DLG1: variants seen among roughly 807,000 people sequenced by gnomAD.
The protein encoded by DLG1 is discs large MAGUK scaffold protein 1.
A neutral mutation model predicts 123.4 loss-of-function variants in DLG1; 42 were observed. That is an observed-to-expected ratio of 0.34 (90% CI 0.27 to 0.44). The LOEUF (loss-of-function observed/expected upper bound fraction) is 0.44, where lower values mean the gene tolerates loss of function less well. DLG1 is among the 20% of genes least tolerant of loss of function. The pLI is 1.00. For missense variants in DLG1, 942 were observed against 1,082.6 expected, an observed-to-expected ratio of 0.87 and a Z score of 1.82; for synonymous variants, 317 against 356.2, an observed-to-expected ratio of 0.89 and a Z score of 1.24.
chr3:197,098,405 T>C (rs1275540646), intron 14 of DLG1, among the ~76,000 whole-genome samples: 1 of 152,244 alleles, frequency 6.6e-6, no homozygotes, highest in Non-Finnish European at 1.5e-5. Flanking sequence ...ACTAAGTTAC[T>C]ACAAAGCAGT....
At chr3:197,053,774 TAA>T (rs35792548) in intron 23 of DLG1, among the ~76,000 whole-genome samples, 1,779 of 97,226 alleles carry the variant, frequency 0.018, 52 homozygotes, top group African/African-American at 0.063. Context: ...CCCTGTCTCA[TAA>T]AAAAAAAAAA....
At chr3:197,130,727 G>C (rs929473162) in intron 10 of DLG1, 56 bp from the exon 11 acceptor site, 2 of 1,383,726 alleles carry the variant, frequency 1.4e-6, no homozygotes, top group African/African-American at 2.9e-5. Flanking sequence ...CTGAGTTTTG[G>C]AAACAATTTC....
chr3:197,229,425 C>T (rs1157790940), intron 4 of DLG1, among the ~76,000 whole-genome samples: 1 of 147,346 alleles, frequency 6.8e-6, no homozygotes, highest in Non-Finnish European at 1.5e-5. Flanking sequence ...TGCACTCCAG[C>T]CTGGGTGACA....
At chr3:197,114,252 G>A (rs954808213) in intron 13 of DLG1, among the ~76,000 whole-genome samples, 1 of 152,108 alleles carries the variant, frequency 6.6e-6, no homozygotes, top group Non-Finnish European at 1.5e-5. Context: ...TAGGCATAAT[G>A]AATCCCAAAC....
chr3:197,162,686 C>T (rs1413608840), intron 5 of DLG1, among the ~76,000 whole-genome samples: 1 of 152,010 alleles, frequency 6.6e-6, no homozygotes, highest in Non-Finnish European at 1.5e-5. Context: ...TCTATAGACC[C>T]CCATCTCACA....
At chr3:197,072,483 C>T (rs1401160214) in intron 18 of DLG1, among the ~76,000 whole-genome samples, 1 of 151,984 alleles carries the variant, frequency 6.6e-6, no homozygotes, top group African/African-American at 2.4e-5. Context: ...AAACATTTTG[C>T]TTATCACTAC....
intron 5 of DLG1, among the ~76,000 whole-genome samples, chr3:197,173,164 A>G (rs2150046830): frequency 6.6e-6 from 1 of 152,260 alleles, no homozygotes; most frequent in South Asian, 2.1e-4. Context: ...GCACCCTATT[A>G]AAGTTACCAA....
chr3:197,207,278 A>C (rs1729051730), intron 4 of DLG1, among the ~76,000 whole-genome samples: 1 of 152,364 alleles, frequency 6.6e-6, no homozygotes, highest in Non-Finnish European at 1.5e-5. Context: ...ATTAGATGGT[A>C]CAAGGAAATA....
At position 197,059,875 on chromosome 3, in the gene DLG1, G is replaced by A. The variant is rs1477333186; in HGVS notation, c.2483+14C>T. 3 of 1,554,938 alleles carry A rather than the reference G, an allele frequency of 1.9e-6. No homozygotes were observed. Among genetic ancestry groups the A allele is most frequent in the African/African-American group, 1.4e-5 (1 of 73,734 alleles). On this transcript the variant is annotated intron_variant, in intron 23 of 24. Transcript: ENST00000667157. The stretch of plus-strand genomic sequence containing the variant: ...TTTGTACACAGAGGCTATGCCTTAG[G>A]CATTTACACTTACATGATATTTTCC...
intron 24 of DLG1, 87 bp from the exon 25 acceptor site, chr3:197,044,816 T>C (rs1051158808): frequency 1.3e-6 from 1 of 773,490 alleles, no homozygotes; most frequent in Non-Finnish European, 2.0e-6. Flanking sequence ...GAAGCTAGTA[T>C]CTTTGAAAAA....
chr3:197,190,529 G>A (rs1157984092), intron 5 of DLG1, among the ~76,000 whole-genome samples: 1 of 152,140 alleles, frequency 6.6e-6, no homozygotes, highest in Non-Finnish European at 1.5e-5. Context: ...GTTCCAACTC[G>A]TGTTGTTCAA....
intron 15 of DLG1, among the ~76,000 whole-genome samples, chr3:197,089,884 C>T (rs188348249): frequency 7.2e-5 from 11 of 152,116 alleles, no homozygotes; most frequent in Admixed American, 5.9e-4. Flanking sequence ...TTAAGATTCC[C>T]ACATCACTGG....
intron 7 of DLG1, among the ~76,000 whole-genome samples, chr3:197,142,251 CT>C (rs1788422572): frequency 6.6e-6 from 1 of 152,162 alleles, no homozygotes; most frequent in East Asian, 1.9e-4. Context: ...CAAGAAAAAT[CT>C]GAGAAACTAT....
At chr3:197,183,117 A>T (rs115019981) in intron 5 of DLG1, among the ~76,000 whole-genome samples, 2,425 of 152,284 alleles carry the variant, frequency 0.016, 67 homozygotes, top group African/African-American at 0.054. Context: ...TATTAAATTG[A>T]ATCTATTTTC....
At chr3:197,247,546 C>G (rs1040014559) in intron 4 of DLG1, among the ~76,000 whole-genome samples, 1 of 152,070 alleles carries the variant, frequency 6.6e-6, no homozygotes, top group Admixed American at 6.5e-5. Context: ...AAACGGGACT[C>G]TTGTCATTGA....
intron 15 of DLG1, among the ~76,000 whole-genome samples, chr3:197,090,521 A>G (rs1401038810): frequency 1.3e-5 from 2 of 152,070 alleles, no homozygotes; most frequent in East Asian, 3.8e-4. Flanking sequence ...CTTTGCTACT[A>G]TGGAAATTGC....
intron 11 of DLG1, among the ~76,000 whole-genome samples, chr3:197,120,498 A>G (rs1008583302): frequency 1.3e-5 from 2 of 152,210 alleles, no homozygotes; most frequent in African/African-American, 4.8e-5. Context: ...AGGAAGCAAT[A>G]TTTAACTTTC....
chr3:197,244,484 T>C (rs547160955), intron 4 of DLG1, among the ~76,000 whole-genome samples: 1 of 152,300 alleles, frequency 6.6e-6, no homozygotes, highest in South Asian at 2.1e-4. Context: ...AGGTTTGTTT[T>C]AGATCTTTTA....
intron 14 of DLG1, among the ~76,000 whole-genome samples, chr3:197,098,809 G>A (rs1433583345): frequency 6.6e-6 from 1 of 152,236 alleles, no homozygotes; most frequent in Non-Finnish European, 1.5e-5. Flanking sequence ...TGGGATTACA[G>A]GCGTGAGCCA....
Sources: allele counts gnomAD v4.1 joint callset (sites outside exome capture counted in the v4.1 genomes callset), GRCh38; gene constraint gnomAD v4.1.1; transcripts MANE v1.5; gene names NCBI Gene and HGNC (gene_info 2026-07-23, HGNC 2026-07-21).